CCDC178: variants seen among roughly 807,000 people sequenced by gnomAD.
The protein encoded by CCDC178 is coiled-coil domain containing 178.
In CCDC178, 126 loss-of-function variants were observed where a neutral mutation model predicts 117.4. The observed-to-expected ratio is 1.07, with a 90% CI of 0.93 to 1.24. The LOEUF is 1.24. Among genes scored for constraint, CCDC178 ranks in the 50% most tolerant of loss-of-function variants. CCDC178 has a pLI of 0.00. For synonymous variants in CCDC178, 283 were observed against 313.4 expected (o/e 0.90, Z 1.02); for missense variants, 1,030 against 986.9 (o/e 1.04, Z -0.59).
intron 20 of CCDC178, among the ~76,000 whole-genome samples, chr18:33,186,143 T>TAGTACTCA (rs751308110): frequency 1.4e-4 from 21 of 152,116 alleles, no homozygotes; most frequent in Non-Finnish European, 2.5e-4. Flanking sequence ...TCAAGATGCT[T>TAGTACTCA]AGTACTCACA....
chr18:33,050,937 G>C (rs1199242558), intron 21 of CCDC178, among the ~76,000 whole-genome samples: 3 of 152,116 alleles, frequency 2.0e-5, no homozygotes, highest in African/African-American at 7.2e-5. Flanking sequence ...GTTTGAGATA[G>C]AGTCTCGGTC....
intron 20 of CCDC178, among the ~76,000 whole-genome samples, chr18:33,097,049 C>CT (rs745669274): frequency 9.9e-5 from 15 of 152,076 alleles, no homozygotes; most frequent in Non-Finnish European, 1.8e-4. Context: ...TTTTCCAGAA[C>CT]TTTATCACTC....
At chr18:33,259,709 G>C (rs2059719816) in intron 14 of CCDC178, among the ~76,000 whole-genome samples, 1 of 151,978 alleles carries the variant, frequency 6.6e-6, no homozygotes, top group Non-Finnish European at 1.5e-5. Context: ...TTTGGGTGGG[G>C]ACTTAGAGCC....
chr18:33,140,198 C>T (rs955701482), intron 20 of CCDC178, among the ~76,000 whole-genome samples: 2 of 152,144 alleles, frequency 1.3e-5, no homozygotes, highest in African/African-American at 4.8e-5. Flanking sequence ...GCGTGGCTCT[C>T]GTGGAGAGCC....
At chr18:32,972,830 T>C (rs886286477) in intron 22 of CCDC178, among the ~76,000 whole-genome samples, 1 of 152,100 alleles carries the variant, frequency 6.6e-6, no homozygotes, top group African/African-American at 2.4e-5. Context: ...GATTGCATAT[T>C]TCCACTGTTT....
At chr18:33,373,813 G>T (rs2144769302) in intron 5 of CCDC178, among the ~76,000 whole-genome samples, 1 of 152,206 alleles carries the variant, frequency 6.6e-6, no homozygotes, top group Non-Finnish European at 1.5e-5. Flanking sequence ...GCTGTAATCT[G>T]ATTTTTGTTC....
intron 20 of CCDC178, among the ~76,000 whole-genome samples, chr18:33,148,342 C>T (rs2058297763): frequency 6.6e-6 from 1 of 152,038 alleles, no homozygotes; most frequent in Non-Finnish European, 1.5e-5. Context: ...GAGAATCAGG[C>T]AGGGAGGTTG....
chr18:33,318,384 T>C (rs1459886661), intron 11 of CCDC178, among the ~76,000 whole-genome samples: 5 of 152,194 alleles, frequency 3.3e-5, no homozygotes, highest in Middle Eastern at 3.2e-3. Flanking sequence ...GTCAATTGCA[T>C]TTCTCGTAGT....
chr18:33,239,732 A>G (rs977441432), intron 15 of CCDC178, among the ~76,000 whole-genome samples: 2 of 152,008 alleles, frequency 1.3e-5, no homozygotes, highest in Admixed American at 6.6e-5. Context: ...TTAGATCTAA[A>G]GAGAGATTGA....
intron 11 of CCDC178, among the ~76,000 whole-genome samples, chr18:33,303,202 T>C (rs1349850254): frequency 6.6e-6 from 1 of 152,098 alleles, no homozygotes; most frequent in East Asian, 1.9e-4. Flanking sequence ...CAAGGAGAAA[T>C]GTAATGCATT....
At chr18:33,427,692 T>C (rs2064141308) in intron 2 of CCDC178, among the ~76,000 whole-genome samples, 1 of 152,150 alleles carries the variant, frequency 6.6e-6, no homozygotes, top group African/African-American at 2.4e-5. Context: ...ATAAATCAAA[T>C]TAGAACTCAC....
intron 2 of CCDC178, among the ~76,000 whole-genome samples, chr18:33,417,209 G>A (rs763791949): frequency 1.3e-5 from 2 of 152,076 alleles, no homozygotes; most frequent in Non-Finnish European, 2.9e-5. Context: ...CTCAGTGGGT[G>A]AATGGCTAAA....
chr18:33,269,469 G>A (rs528456479), intron 12 of CCDC178, among the ~76,000 whole-genome samples: 101 of 151,924 alleles, frequency 6.6e-4, no homozygotes, highest in African/African-American at 2.2e-3. Context: ...GAGGCTCTAT[G>A]AAAGCAGGAA....
intron 21 of CCDC178, among the ~76,000 whole-genome samples, chr18:33,082,699 A>T (rs1353315183): frequency 6.6e-6 from 1 of 152,100 alleles, no homozygotes; most frequent in Non-Finnish European, 1.5e-5. Context: ...TGTTGTGCAC[A>T]TGTACCCTAT....
intron 3 of CCDC178, among the ~76,000 whole-genome samples, chr18:33,399,467 C>A (rs1379386570): frequency 6.6e-6 from 1 of 152,182 alleles, no homozygotes; most frequent in Non-Finnish European, 1.5e-5. Flanking sequence ...GGAAGCCAAT[C>A]CTCTCAAACC....
intron 14 of CCDC178, among the ~76,000 whole-genome samples, chr18:33,255,646 A>G (rs961737281): frequency 6.6e-6 from 1 of 152,008 alleles, no homozygotes; most frequent in African/African-American, 2.4e-5. Flanking sequence ...GAGAGAGTAG[A>G]TACTCCACAT....
chr18:33,336,276 C>T (rs910022045), intron 9 of CCDC178, among the ~76,000 whole-genome samples: 2 of 152,026 alleles, frequency 1.3e-5, no homozygotes, highest in African/African-American at 4.8e-5. Context: ...TCTAATTAGA[C>T]TTGTCACTCT....
At chr18:33,153,549 A>T (rs2058362340) in intron 20 of CCDC178, among the ~76,000 whole-genome samples, 1 of 152,140 alleles carries the variant, frequency 6.6e-6, no homozygotes, top group Non-Finnish European at 1.5e-5. Flanking sequence ...AATACTTATC[A>T]ACAAATTGCA....
At chr18:33,397,078 T>C in intron 4 of CCDC178, 71 bp downstream of exon 4, 2 of 974,938 alleles carry the variant, frequency 2.1e-6, no homozygotes, top group Non-Finnish European at 3.2e-6. Context: ...TTCATGCTTA[T>C]AATTTTTTGA....
Sources: allele counts gnomAD v4.1 joint callset (sites outside exome capture counted in the v4.1 genomes callset), GRCh38; gene constraint gnomAD v4.1.1; transcripts MANE v1.5; gene names NCBI Gene and HGNC (gene_info 2026-07-23, HGNC 2026-07-21).